MAD1L1: variants seen among roughly 807,000 people sequenced by gnomAD.
The protein encoded by MAD1L1 is mitotic arrest deficient 1 like 1, also known as mitotic spindle assembly checkpoint protein MAD1.
A neutral mutation model predicts 96.9 loss-of-function variants in MAD1L1; 95 were observed. The observed-to-expected ratio is 0.98, with a 90% CI of 0.83 to 1.16. The LOEUF (loss-of-function observed/expected upper bound fraction) is 1.16, where lower values mean the gene tolerates loss of function less well. Among genes scored for constraint, MAD1L1 ranks in the 50% most tolerant of loss-of-function variants. The pLI is 0.00. For synonymous variants in MAD1L1, 473 were observed against 396.6 expected (o/e 1.19, Z -2.29); for missense variants, 1,007 against 954.4 (o/e 1.06, Z -0.73).
At chr7:1,957,487 G>T (rs1441475744) in intron 16 of MAD1L1, 142 bp downstream of exon 16, 8 of 807,174 alleles carry the variant, frequency 9.9e-6, no homozygotes, top group Non-Finnish European at 1.4e-5. Context: ...CAGGCAAGGG[G>T]GTGCACATGG....
intron 14 of MAD1L1, among the ~76,000 whole-genome samples, chr7:1,982,961 T>C (rs545753846): frequency 6.6e-5 from 10 of 152,318 alleles, no homozygotes; most frequent in African/African-American, 2.2e-4. Flanking sequence ...ATTCTATAAA[T>C]TGATATCCTA....
intron 13 of MAD1L1, among the ~76,000 whole-genome samples, chr7:2,004,692 C>T (rs923350572): frequency 1.3e-5 from 2 of 152,234 alleles, no homozygotes; most frequent in African/African-American, 4.8e-5. Flanking sequence ...CGCGGGCAGG[C>T]TGCAGGCATT....
chr7:2,026,077 A>G (rs1209231146), intron 12 of MAD1L1, among the ~76,000 whole-genome samples: 1 of 152,178 alleles, frequency 6.6e-6, no homozygotes, highest in Non-Finnish European at 1.5e-5. Context: ...TTTATAGTAT[A>G]CTACATTTAT....
intron 13 of MAD1L1, among the ~76,000 whole-genome samples, chr7:2,012,080 C>T (rs955105642): frequency 6.6e-6 from 1 of 152,194 alleles, no homozygotes; most frequent in South Asian, 2.1e-4. Context: ...GCCCCCACAC[C>T]CCACCATGGG....
intron 18 of MAD1L1, among the ~76,000 whole-genome samples, chr7:1,819,607 C>T (rs1390871675): frequency 6.6e-5 from 10 of 152,160 alleles, no homozygotes; most frequent in Admixed American, 2.6e-4. Flanking sequence ...AGTGCTCACT[C>T]GGTGCCTAGG....
intron 10 of MAD1L1, among the ~76,000 whole-genome samples, chr7:2,185,553 T>C (rs1438768617): frequency 3.3e-5 from 5 of 152,204 alleles, no homozygotes; most frequent in East Asian, 1.9e-4. Context: ...AAAGACCACA[T>C]TGAATGCCAC....
intron 18 of MAD1L1, among the ~76,000 whole-genome samples, chr7:1,875,650 G>T (rs1225516969): frequency 6.6e-6 from 1 of 152,236 alleles, no homozygotes; most frequent in Non-Finnish European, 1.5e-5. Context: ...CAGGAACCCC[G>T]GGAGGTATAA....
At chr7:1,918,096 G>C (rs1448903143) in intron 17 of MAD1L1, among the ~76,000 whole-genome samples, 1 of 152,226 alleles carries the variant, frequency 6.6e-6, no homozygotes, top group Admixed American at 6.5e-5. Context: ...CACGGCCAGC[G>C]CCCGGCTCAG....
chr7:2,232,272 C>T (rs547904723), intron 1 of MAD1L1, among the ~76,000 whole-genome samples: 1 of 152,262 alleles, frequency 6.6e-6, no homozygotes, highest in Non-Finnish European at 1.5e-5. Flanking sequence ...GAGGCCTGAG[C>T]TCCCCAGGCT....
At chr7:1,834,226 A>G (rs1326672674) in intron 18 of MAD1L1, among the ~76,000 whole-genome samples, 1 of 152,236 alleles carries the variant, frequency 6.6e-6, no homozygotes, top group Non-Finnish European at 1.5e-5. Context: ...ATTAAAAAAA[A>G]GAAGGTCTCA....
At chr7:1,993,921 G>C (rs908712819) in intron 14 of MAD1L1, among the ~76,000 whole-genome samples, 2 of 152,178 alleles carry the variant, frequency 1.3e-5, no homozygotes, top group African/African-American at 4.8e-5. Flanking sequence ...GAAAGCCCTG[G>C]GTCCTGTCCT....
intron 14 of MAD1L1, among the ~76,000 whole-genome samples, chr7:1,982,527 C>T (rs1780951840): frequency 6.6e-6 from 1 of 152,184 alleles, no homozygotes; most frequent in Admixed American, 6.5e-5. Flanking sequence ...TTCTTTCTAA[C>T]TTATCTTTGT....
intron 17 of MAD1L1, among the ~76,000 whole-genome samples, chr7:1,911,620 C>A (rs945536951): frequency 4.6e-5 from 7 of 152,256 alleles, no homozygotes; most frequent in Non-Finnish European, 7.3e-5. Context: ...CAAGGCCAGA[C>A]TCCGGCGTCA....
At chr7:2,082,393 G>A (rs1210223492) in intron 11 of MAD1L1, among the ~76,000 whole-genome samples, 2 of 152,132 alleles carry the variant, frequency 1.3e-5, no homozygotes, top group Non-Finnish European at 2.9e-5. Flanking sequence ...CTCAGCAAGG[G>A]AGATGGGAGA....
At chr7:2,149,981 T>A (rs896326360) in intron 10 of MAD1L1, among the ~76,000 whole-genome samples, 2 of 152,152 alleles carry the variant, frequency 1.3e-5, no homozygotes, top group African/African-American at 4.8e-5. Context: ...ACTGACCCAG[T>A]GGCATGTGAG....
intron 12 of MAD1L1, among the ~76,000 whole-genome samples, chr7:2,060,336 T>G: frequency 6.7e-6 from 1 of 150,362 alleles, no homozygotes. Flanking sequence ...GATACGCCAA[T>G]GCCAAGATGT....
At chr7:2,057,521 G>GC (rs557989230) in intron 12 of MAD1L1, among the ~76,000 whole-genome samples, 30 of 92,208 alleles carry the variant, frequency 3.3e-4, no homozygotes, top group East Asian at 2.7e-3. Context: ...TCCCCCCACC[G>GC]CCCCCCCAAA....
At chr7:1,866,101 C>T (rs137894043) in intron 18 of MAD1L1, among the ~76,000 whole-genome samples, 44 of 152,318 alleles carry the variant, frequency 2.9e-4, no homozygotes, top group African/African-American at 9.9e-4. Flanking sequence ...CCTGACAGAC[C>T]GTGGGTGGGA....
chr7:2,117,537 A>T (rs1318457605), intron 11 of MAD1L1, among the ~76,000 whole-genome samples: 1 of 152,182 alleles, frequency 6.6e-6, no homozygotes, highest in African/African-American at 2.4e-5. Context: ...AGTTACCCCC[A>T]TACTGCTGCT....
Sources: gnomAD v4.1 joint callset for allele counts (sites outside exome capture counted in the v4.1 genomes callset) on GRCh38, gnomAD v4.1.1 for gene constraint, MANE v1.5 for transcripts, NCBI Gene and HGNC (gene_info 2026-07-23, HGNC 2026-07-21) for gene names.